Variants in LRRC66 observed in about 807,000 individuals in gnomAD.
LRRC66 encodes the protein leucine rich repeat containing 66, also known as leucine-rich repeat-containing protein 66.
In LRRC66, 29 loss-of-function variants were observed where a neutral mutation model predicts 24.6. The observed-to-expected ratio is 1.18, with a 90% CI of 0.88 to 1.61. The LOEUF (loss-of-function observed/expected upper bound fraction) is 1.61, where lower values mean the gene tolerates loss of function less well. LRRC66 is among the 40% of genes most tolerant of loss of function. The probability of loss-of-function intolerance (pLI) is 0.00; values close to 1 mark genes in which losing one functional copy is unlikely to be tolerated. For missense variants in LRRC66, 1,124 were observed against 1,058.0 expected, an observed-to-expected ratio of 1.06 and a Z score of -0.87; for synonymous variants, 411 against 397.6, an observed-to-expected ratio of 1.03 and a Z score of -0.40.
intron 1 of LRRC66, among the ~76,000 whole-genome samples, chr4:52,019,322 G>T (rs184841605): frequency 2.6e-5 from 4 of 151,648 alleles, no homozygotes; most frequent in African/African-American, 7.3e-5. Context: ...AACATTCAGC[G>T]TTGCTATTGT....
Position 52,017,587 on chromosome 4 carries a change from A to G in LRRC66, c.27T>C (p.Ile9=). The G allele has an allele frequency of 6.3e-7, 1 of 1,586,310 alleles. No individual in the cohort carries two copies. Among genetic ancestry groups the G allele is most frequent in the South Asian group, 1.2e-5 (1 of 86,788 alleles). Residue 9 remains isoleucine, a synonymous_variant, in exon 2 of 5, where the codon ATT becomes ATC. Transcript: ENST00000682860. ...TAAAATAAAGACCTATAACTATGGT[A>G]ATGACTCTGAAATAGAGGTTTTTCA... MKNLYFRV[I]TIVIGLYFTG...
At position 52,017,601 on chromosome 4, in the gene LRRC66, A is replaced by T. The variant is rs757646533; in HGVS notation, c.13T>A (p.Tyr5Asn). The T allele has an allele frequency of 6.4e-7, 1 of 1,559,466 alleles. No homozygotes were observed. MKNL[Y>N]FRVITIVIGL... ...ATAACTATGGTAATGACTCTGAAAT[A>T]GAGGTTTTTCATAATGCCTGGAAAA... Residue 5 changes from tyrosine to asparagine, a missense_variant, in exon 2 of 5, where the codon TAT becomes AAT. Tyr to Asn is a moderately radical substitution (Grantham distance 143, BLOSUM62 -2). Transcript: ENST00000682860.
intron 2 of LRRC66, among the ~76,000 whole-genome samples, chr4:52,008,468 G>C (rs567135476): frequency 6.6e-6 from 1 of 151,052 alleles, no homozygotes; most frequent in African/African-American, 2.4e-5. Flanking sequence ...TTTTTTTTAA[G>C]ATTAAAAGAA....
Position 51,995,666 on chromosome 4 carries a change from G to C in LRRC66, c.1356C>G (p.Tyr452Ter), listed in dbSNP as rs763973395. ...LRQVFPHLSLYENQTPFWVTQ... is the reference protein window; with the variant it reads ...LRQVFPHLSL ...TCACCCAGAAAGGGGTCTGGTTCTC[G>C]TAGAGGCTTAGATGAGGAAATACTT... Residue 452 changes from tyrosine (Y) to a stop codon, truncating the protein, a stop_gained, in exon 5 of 5, where the codon TAC (tyrosine) becomes TAG (stop). Transcript: ENST00000682860. LOFTEE classifies it low-confidence loss of function (END_TRUNC). 1 of 1,614,114 alleles carries C rather than the reference G, an allele frequency of 6.2e-7. No individual in the cohort carries two copies. The highest frequency in any genetic ancestry group is 1.1e-5 in the South Asian group (1 of 91,074).
rs1288259795 is a variant in LRRC66 at position 51,994,541 on chromosome 4, G to A, written c.2481C>T (p.Asp827=). The stretch of plus-strand genomic sequence containing the variant: ...CTGCTGCCTTGGATTGAAGAGCTGT[G>A]TCATAATCATAAGTGAACATGCCCG... ...EFPGMFTYDY[D]TALQSKAAEW... is the part of the protein sequence containing the mutation. Residue 827 remains aspartate (D), a synonymous_variant, in exon 5 of 5, where the codon GAC becomes GAT. Coordinates refer to ENST00000682860, the MANE Select transcript of LRRC66 (RefSeq NM_001024611.3). 6.2e-7 allele frequency: 1 copy of A among 1,614,200 alleles called. No homozygotes were observed. The highest frequency in any genetic ancestry group is 1.7e-5 in the Admixed American group (1 of 60,024).
In LRRC66 at chr4:51,994,298, G is replaced by A; in HGVS notation, c.*81C>T. On this transcript the variant is annotated 3_prime_UTR_variant, in exon 5 of 5. Coordinates refer to ENST00000682860, the MANE Select transcript of LRRC66 (RefSeq NM_001024611.3). Reference sequence around the variant, plus strand: ...ATGTTGTCTCCTTCAGGATCTTGTTGTGAAGGCTTTAGTTTTCCCCTGCCA... The same window carrying A: ...ATGTTGTCTCCTTCAGGATCTTGTTATGAAGGCTTTAGTTTTCCCCTGCCA... The A allele has an allele frequency of 7.7e-7, 1 of 1,297,386 alleles. No individual in the cohort carries two copies. Among genetic ancestry groups the A allele is most frequent in the Non-Finnish European group, 1.1e-6 (1 of 951,154 alleles). The allele number at this position is 1,297,386 out of a possible 1,614,324, so 80.4% of individuals were successfully genotyped here. A position where few individuals can be genotyped will look rare whatever the true frequency, so the allele number is the denominator to read the frequency against.
intron 3 of LRRC66, among the ~76,000 whole-genome samples, chr4:52,001,223 T>TA (rs1736441460): frequency 6.6e-6 from 1 of 152,210 alleles, no homozygotes; most frequent in African/African-American, 2.4e-5. Flanking sequence ...TAGCATGTTA[T>TA]AAGTGTTTAT....
In LRRC66 at chr4:51,995,444, G is replaced by C. The variant is rs778622387; in HGVS notation, c.1578C>G (p.Asp526Glu). The C allele has an allele frequency of 1.3e-5, 21 of 1,614,028 alleles. No homozygotes were observed. The highest frequency in any genetic ancestry group is 1.7e-5 in the Non-Finnish European group (20 of 1,180,048). Residue 526 changes from aspartate to glutamate, a missense_variant, in exon 5 of 5, where the codon GAC (aspartate) becomes GAG (glutamate). Coordinates refer to ENST00000682860, the MANE Select transcript of LRRC66 (RefSeq NM_001024611.3). ...GNRELMSAAQ[D>E]HIHRNDILGE... ...CGAGAATATCATTCCTATGGATGTG[G>C]TCCTGCGCTGCTGACATTAGTTCAC... is the stretch of plus-strand genomic sequence containing the variant.
intron 2 of LRRC66, among the ~76,000 whole-genome samples, chr4:52,016,528 T>C (rs1736815753): frequency 6.6e-6 from 1 of 152,300 alleles, no homozygotes; most frequent in African/African-American, 2.4e-5. Flanking sequence ...TATAGACTAT[T>C]GAATGTCAGA....
At chr4:52,013,630 G>A (rs1166334741) in intron 2 of LRRC66, among the ~76,000 whole-genome samples, 1 of 152,138 alleles carries the variant, frequency 6.6e-6, no homozygotes, top group Non-Finnish European at 1.5e-5. Context: ...AAATTGCATT[G>A]GCCAGCACCT....
intron 2 of LRRC66, among the ~76,000 whole-genome samples, chr4:52,006,143 C>A (rs1407710105): frequency 6.6e-6 from 1 of 152,122 alleles, no homozygotes; most frequent in African/African-American, 2.4e-5. Flanking sequence ...AGCTTTAAAG[C>A]GATTCCTCAG....
intron 1 of LRRC66, among the ~76,000 whole-genome samples, chr4:52,018,808 T>C (rs1736877902): frequency 6.6e-6 from 1 of 152,194 alleles, no homozygotes; most frequent in Non-Finnish European, 1.5e-5. Flanking sequence ...CTGCAAAGAA[T>C]GATCTATGCA....
At chr4:52,005,405 G>A (rs539299014) in intron 2 of LRRC66, among the ~76,000 whole-genome samples, 15 of 152,056 alleles carry the variant, frequency 9.9e-5, no homozygotes, top group Non-Finnish European at 1.9e-4. Flanking sequence ...AAGCCGAAGC[G>A]GGTGAATCAC....
rs1374163385 is a variant in LRRC66, at chr4:51,995,351, A to G, written c.1671T>C (p.Ser557=). The change falls in exon 5 of 5, where the codon TCT becomes TCC. Residue 557 remains serine, a synonymous_variant. Coordinates refer to ENST00000682860, the MANE Select transcript of LRRC66 (RefSeq NM_001024611.3). ...AGACAGCGTGAGACGTGCCAGCTACAGAAGAGACGCCCACTGAATGTGCAC... is the reference window on the plus strand; with the variant it reads ...AGACAGCGTGAGACGTGCCAGCTACGGAAGAGACGCCCACTGAATGTGCAC... ...PLSAHSVGVS[S]VAGTSHAVSG... is the part of the protein sequence containing the mutation. The G allele has an allele frequency of 6.2e-7, 1 of 1,614,214 alleles. No individual in the cohort carries two copies. Among genetic ancestry groups the G allele is most frequent in the East Asian group, 2.2e-5 (1 of 44,884 alleles).
rs1736876741 is a variant in LRRC66, at chr4:52,018,757, A to C, written c.-5-1139T>G. Among the ~76,000 whole-genome samples, 5 of 152,318 alleles carry C rather than the reference A, an allele frequency of 3.3e-5. No homozygotes were observed. The South Asian group carries it at 1.0e-3, about 32-fold the overall frequency. On this transcript the variant is annotated intron_variant, in intron 1 of 4. Transcript: ENST00000682860. ...GTTATCTAGGTAAACTTAATGACCT[A>C]GCTTGATAAGTTCATGTGGAGCCAC...
At chr4:52,017,979 C>T in intron 1 of LRRC66, 3 of 985,398 alleles carry the variant, frequency 3.0e-6, no homozygotes, top group Non-Finnish European at 3.6e-6. Flanking sequence ...TCTTTGCAGG[C>T]CATTAATACA....
At chr4:52,015,158 T>C (rs1042304476) in intron 2 of LRRC66, among the ~76,000 whole-genome samples, 1 of 152,168 alleles carries the variant, frequency 6.6e-6, no homozygotes, top group Non-Finnish European at 1.5e-5. Flanking sequence ...TTCCCTATAT[T>C]TTCCTCTTGC....
chr4:51,994,256 C>A lies in LRRC66; in HGVS notation c.*123G>T. ...ACAAAACCCTCATTTGCATCAGTGT[C>A]CACTTGGTTGGAATTCATGTTGTCT... is the stretch of plus-strand genomic sequence containing the variant. On this transcript the variant is annotated 3_prime_UTR_variant, in exon 5 of 5. Coordinates refer to ENST00000682860, the MANE Select transcript of LRRC66 (RefSeq NM_001024611.3). 2 of 915,546 alleles carry A rather than the reference C, an allele frequency of 2.2e-6. No individual in the cohort carries two copies. Among genetic ancestry groups the A allele is most frequent in the Non-Finnish European group, 1.6e-6 (1 of 622,874 alleles). The allele number at this position is 915,546 out of a possible 1,614,324, so 56.7% of individuals were successfully genotyped here.
intron 4 of LRRC66, among the ~76,000 whole-genome samples, chr4:51,997,000 T>C (rs1736336267): frequency 6.6e-6 from 1 of 152,256 alleles, no homozygotes. Context: ...TTCTCTCTGA[T>C]CTTCATGAAT....
Sources: allele counts gnomAD v4.1 joint callset (sites outside exome capture counted in the v4.1 genomes callset), GRCh38; gene constraint gnomAD v4.1.1; transcripts MANE v1.5; gene names NCBI Gene and HGNC (gene_info 2026-07-23, HGNC 2026-07-21).